Variants in RIMS1 observed in about 807,000 individuals in gnomAD.
RIMS1 encodes regulating synaptic membrane exocytosis 1.
RIMS1 carries 83 observed loss-of-function variants against 214.1 expected under a neutral mutation model. That is an observed-to-expected ratio of 0.39 (90% CI 0.32 to 0.47). The LOEUF (loss-of-function observed/expected upper bound fraction) is 0.47. RIMS1 is among the 20% of genes least tolerant of loss of function. RIMS1 has a pLI of 0.99. For synonymous variants in RIMS1, 793 were observed against 786.8 expected (o/e 1.01, Z -0.13); for missense variants, 2,050 against 2,161.8 (o/e 0.95, Z 1.03).
chr6:71,886,882 GCTGCCGCCGCCGCCGCTGCTCCTCCTC>G lies in RIMS1; in HGVS notation c.-128_-102del. 3.5e-6 allele frequency: 3 copies of G among 864,380 alleles called. No homozygotes were observed. The highest frequency in any genetic ancestry group is 2.6e-5 in the East Asian group (1 of 37,932). 53.5% of individuals were successfully genotyped at this position (864,380 alleles called of 1,614,324 possible). Reference sequence around the variant, plus strand: ...TCTCCCCGGCTCTGCTGCTGCTGCTGCTGCCGCCGCCGCCGCTGCTCCTCCTCCTGCCGCCGCCGCTAGGGCTCCGCT... The same window carrying G: ...TCTCCCCGGCTCTGCTGCTGCTGCTGCTGCCGCCGCCGCTAGGGCTCCGCT... On this transcript the variant is annotated 5_prime_UTR_variant, in exon 1 of 34. Transcript: ENST00000521978.
chr6:71,890,124 G>A (rs564318430), intron 1 of RIMS1, among the ~76,000 whole-genome samples: 7 of 152,112 alleles, frequency 4.6e-5, no homozygotes, highest in Non-Finnish European at 1.0e-4. Context: ...GGCCTTGATT[G>A]TAAATTACTA....
chr6:72,009,596 AAAG>A (rs1477243450), intron 2 of RIMS1, among the ~76,000 whole-genome samples: 1 of 152,132 alleles, frequency 6.6e-6, no homozygotes, highest in African/African-American at 2.4e-5. Context: ...ATAAAGAAAA[AAAG>A]AGAGAAGAAT....
intron 2 of RIMS1, among the ~76,000 whole-genome samples, chr6:72,075,285 A>C (rs1360971546): frequency 4.6e-5 from 7 of 152,064 alleles, no homozygotes; most frequent in African/African-American, 1.7e-4. Context: ...AACAAAAAAA[A>C]CGTGTAGAGA....
chr6:71,947,072 A>G (rs1456991318), intron 1 of RIMS1, among the ~76,000 whole-genome samples: 1 of 152,096 alleles, frequency 6.6e-6, no homozygotes, highest in Non-Finnish European at 1.5e-5. Context: ...AAAAATGCAA[A>G]TTAAAACCAC....
At chr6:71,949,714 C>A (rs1312502551) in intron 1 of RIMS1, among the ~76,000 whole-genome samples, 1 of 152,156 alleles carries the variant, frequency 6.6e-6, no homozygotes, top group Non-Finnish European at 1.5e-5. Flanking sequence ...TATAAGATCT[C>A]CATTTAACAG....
intron 27 of RIMS1, among the ~76,000 whole-genome samples, chr6:72,310,318 C>T (rs1216007453): frequency 6.6e-6 from 1 of 152,000 alleles, no homozygotes; most frequent in African/African-American, 2.4e-5. Flanking sequence ...TAACATCCAT[C>T]CTGAGTAAGG....
chr6:72,354,196 G>A (rs1422056126), intron 29 of RIMS1, among the ~76,000 whole-genome samples: 3 of 152,068 alleles, frequency 2.0e-5, no homozygotes, highest in Admixed American at 2.0e-4. Context: ...CTCCAGCCTG[G>A]GCAACAGAGT....
chr6:72,252,778 G>C lies in RIMS1; in HGVS notation c.2716G>C (p.Asp906His). 6.4e-7 allele frequency: 1 copy of C among 1,559,496 alleles called. No individual in the cohort carries two copies. The highest frequency in any genetic ancestry group is 8.7e-7 in the Non-Finnish European group (1 of 1,150,506). ...TTGTGCAGGATCTCAGCGAATCAGT[G>C]ATAGTGACATCTCAGATTATGAGGT... is the stretch of plus-strand genomic sequence containing the variant. ...KKLQRSQRIS[D>H]SDISDYEVDD... is the part of the protein sequence containing the mutation. The change falls in exon 16 of 34, where the codon GAT (aspartate) becomes CAT (histidine). Residue 906 changes from aspartate (D) to histidine (H), a missense_variant. Physicochemically the swap from Asp to His is moderately conservative, Grantham distance 81. This residue lies in a region of RIMS1 where 889 missense variants were observed against 885.5 expected (regional missense o/e 1.00). Transcript: ENST00000521978.
At position 72,297,614 on chromosome 6, in the gene RIMS1, C is replaced by G. The variant is rs185155878; in HGVS notation, c.3850+5568C>G. Reference sequence around the variant, plus strand: ...CTGGCTGAGAGGTGTCATCACCCCTCCAAGCGTTCCTTGGAAACAGGATGT... The same window carrying G: ...CTGGCTGAGAGGTGTCATCACCCCTGCAAGCGTTCCTTGGAAACAGGATGT... On this transcript the variant is annotated intron_variant, in intron 26 of 33. Transcript: ENST00000521978. Among the ~76,000 whole-genome samples, 572 of 152,046 alleles carry G rather than the reference C, an allele frequency of 3.8e-3. 12 individuals are homozygous for G. Among genetic ancestry groups the G allele is most frequent in the Admixed American group, 0.017 (264 of 15,226 alleles).
chr6:72,047,179 A>G (rs1047915658), intron 2 of RIMS1, among the ~76,000 whole-genome samples: 3 of 152,150 alleles, frequency 2.0e-5, no homozygotes, highest in Admixed American at 6.6e-5. Flanking sequence ...TGACCCTCCA[A>G]CTTGCAGATT....
At chr6:72,170,393 G>C (rs1440236630) in intron 4 of RIMS1, among the ~76,000 whole-genome samples, 1 of 151,976 alleles carries the variant, frequency 6.6e-6, no homozygotes, top group African/African-American at 2.4e-5. Flanking sequence ...GCCCAGGCTG[G>C]CATGCAAGGG....
chr6:71,903,770 T>A (rs1030753328), intron 1 of RIMS1, among the ~76,000 whole-genome samples: 1 of 151,966 alleles, frequency 6.6e-6, no homozygotes, highest in African/African-American at 2.4e-5. Flanking sequence ...GTTTTTTTTT[T>A]CCCTACATGG....
chr6:72,183,900 AAC>A (rs551949577), intron 6 of RIMS1, among the ~76,000 whole-genome samples: 1 of 152,230 alleles, frequency 6.6e-6, no homozygotes, highest in Non-Finnish European at 1.5e-5. Flanking sequence ...TAAAACCTTA[AAC>A]ACACACTTAT....
intron 22 of RIMS1, among the ~76,000 whole-genome samples, chr6:72,271,207 AG>A (rs1333469459): frequency 1.3e-5 from 2 of 149,258 alleles, no homozygotes; most frequent in African/African-American, 4.9e-5. Context: ...CAGAGGTTGC[AG>A]TGAGCCAAGA....
chr6:72,125,528 C>A (rs2039330321), intron 4 of RIMS1, among the ~76,000 whole-genome samples: 1 of 152,220 alleles, frequency 6.6e-6, no homozygotes, highest in African/African-American at 2.4e-5. Context: ...AGCTGTCAGA[C>A]AGGGACGTTT....
intron 4 of RIMS1, among the ~76,000 whole-genome samples, chr6:72,110,673 T>G (rs1308073946): frequency 6.6e-6 from 1 of 151,330 alleles, no homozygotes; most frequent in African/African-American, 2.4e-5. Context: ...CTTCCTCTTT[T>G]CCTAATTGAA....
intron 4 of RIMS1, among the ~76,000 whole-genome samples, chr6:72,160,181 CTGTT>C: frequency 7.3e-6 from 1 of 137,258 alleles, no homozygotes; most frequent in Admixed American, 7.6e-5. Flanking sequence ...ATTTGGCTCT[CTGTT>C]TGTCTTTTGT....
At chr6:72,112,362 T>A (rs999569978) in intron 4 of RIMS1, among the ~76,000 whole-genome samples, 4 of 152,054 alleles carry the variant, frequency 2.6e-5, no homozygotes, top group Non-Finnish European at 5.9e-5. Context: ...CAAGAATAAT[T>A]GTTTGAATGT....
chr6:72,339,964 AATG>A, intron 29 of RIMS1, among the ~76,000 whole-genome samples: 1 of 152,180 alleles, frequency 6.6e-6, no homozygotes, highest in East Asian at 1.9e-4. Context: ...CTGACTTTTT[AATG>A]ATCACCATTC....
Sources: gnomAD v4.1 joint callset for allele counts (sites outside exome capture counted in the v4.1 genomes callset) on GRCh38, gnomAD v4.1.1 for gene constraint, gnomAD v4.1.1 regional missense constraint, MANE v1.5 for transcripts, NCBI Gene and HGNC (gene_info 2026-07-23, HGNC 2026-07-21) for gene names.